Variants in NPM1 observed in about 807,000 individuals in gnomAD.
The protein encoded by NPM1 is nucleophosmin 1, also known as nucleophosmin.
In NPM1, 1 loss-of-function variant was observed where a neutral mutation model predicts 44.1. That is an observed-to-expected ratio of 0.02 (90% CI 0.01 to 0.11). The LOEUF (loss-of-function observed/expected upper bound fraction) is 0.11, where lower values mean the gene tolerates loss of function less well. Among genes scored for constraint, NPM1 ranks in the 10% least tolerant of loss-of-function variants. NPM1 has a pLI of 1.00. For synonymous variants in NPM1, 126 were observed against 111.8 expected (o/e 1.13, Z -0.80); for missense variants, 197 against 347.8 (o/e 0.57, Z 3.45).
chr5:171,408,083 C>G (rs1316630372), intron 10 of NPM1, among the ~76,000 whole-genome samples: 1 of 150,038 alleles, frequency 6.7e-6, no homozygotes, highest in Non-Finnish European at 1.5e-5. Flanking sequence ...TGTGGTTTTC[C>G]TTGCTGTTCC....
intron 6 of NPM1, among the ~76,000 whole-genome samples, chr5:171,398,873 A>AT (rs1273887795): frequency 6.6e-6 from 1 of 152,134 alleles, no homozygotes; most frequent in Non-Finnish European, 1.5e-5. Context: ...TTATTTATTT[A>AT]TTTTTTTGAA....
intron 5 of NPM1, 37 bp downstream of exon 5, chr5:171,392,853 A>T: frequency 6.2e-7 from 1 of 1,613,268 alleles, no homozygotes; most frequent in Non-Finnish European, 8.5e-7. Context: ...TTTGTATTAT[A>T]GCTTTTAGTT....
intron 6 of NPM1, among the ~76,000 whole-genome samples, chr5:171,395,980 T>TTGG (rs1770861448): frequency 7.4e-6 from 1 of 134,516 alleles, no homozygotes; most frequent in Admixed American, 7.5e-5. Flanking sequence ...TTTTTTTTTT[T>TTGG]GGAGACAGTC....
At chr5:171,393,069 G>A in intron 6 of NPM1, 91 bp downstream of exon 6, 1 of 1,485,184 alleles carries the variant, frequency 6.7e-7, no homozygotes, top group Non-Finnish European at 9.0e-7. Flanking sequence ...TTTTATAAAA[G>A]TCATTTACAA....
rs540561427 is a variant in NPM1 at position 171,387,873 on chromosome 5, G to T, written c.-76G>T. ...CCTTTCCCTGGTGTGATTCCGTCCTGCGCGGTTGTTCTCTGGAGCAGCGTT... is the reference window on the plus strand; with the variant it reads ...CCTTTCCCTGGTGTGATTCCGTCCTTCGCGGTTGTTCTCTGGAGCAGCGTT... On this transcript the variant is annotated 5_prime_UTR_variant, in exon 1 of 11. Transcript: ENST00000296930. 8 of 1,359,614 alleles carry T rather than the reference G, an allele frequency of 5.9e-6. No homozygotes were observed. The East Asian group carries it at 1.6e-4, about 27-fold the overall frequency. The allele number at this position is 1,359,614 out of a possible 1,614,324, so 84.2% of individuals were successfully genotyped here.
At chr5:171,388,028 A>G (rs767065244) in intron 1 of NPM1, 22 bp downstream of exon 1, 3 of 1,320,098 alleles carry the variant, frequency 2.3e-6, no homozygotes, top group Admixed American at 3.7e-5. Flanking sequence ...GGGGAGCTGG[A>G]GCGAGGCCGA....
In NPM1 at chr5:171,394,041, CTTTTTTTTTTT is replaced by C. The variant is rs144186175; in HGVS notation, c.524+1074_524+1084del. 2.7e-3 allele frequency among the ~76,000 whole-genome samples: 258 copies of C among 97,076 alleles called. 3 individuals carry two copies. The highest frequency in any genetic ancestry group is 6.0e-3 in the Middle Eastern group (1 of 168). 63.7% of individuals were successfully genotyped at this position (97,076 alleles called of 152,430 possible). ...ATTTGACTGTTGCTGTTTTTGTTTT[CTTTTTTTTTTT>C]TTTTTTTTTTGAGATGGAGTCTCCA... On this transcript the variant is annotated intron_variant, in intron 6 of 10. Coordinates refer to ENST00000296930, the MANE Select transcript of NPM1 (RefSeq NM_002520.7).
upstream of NPM1, chr5:171,387,721 A>G (rs1406877237): frequency 8.7e-6 from 5 of 575,084 alleles, no homozygotes; most frequent in Non-Finnish European, 1.2e-5. Flanking sequence ...AGTGGGGTTG[A>G]AAAGCGCTTG....
At position 171,406,709 on chromosome 5, in the gene NPM1, A is replaced by T. The variant is rs568708497; in HGVS notation, c.772-991A>T. ...CTTTGTATCTCCTTAGCTGCTCAATAAATATTTGAATGCATCAATTAAGAA... is the reference window on the plus strand; with the variant it reads ...CTTTGTATCTCCTTAGCTGCTCAATTAATATTTGAATGCATCAATTAAGAA... On this transcript the variant is annotated intron_variant, in intron 9 of 10. Transcript: ENST00000296930. The T allele has an allele frequency of 3.4e-6, 4 of 1,193,474 alleles. No homozygotes were observed. In the East Asian group the frequency reaches 1.4e-4, roughly 42 times the overall value. 73.9% of individuals were successfully genotyped at this position (1,193,474 alleles called of 1,614,324 possible). A position where few individuals can be genotyped will look rare whatever the true frequency, so the allele number is the denominator to read the frequency against.
In NPM1 at chr5:171,400,222, C is replaced by A. The variant is rs777071775; in HGVS notation, c.582+12C>A. On this transcript the variant is annotated intron_variant, in intron 7 of 10. Coordinates refer to ENST00000296930, the MANE Select transcript of NPM1 (RefSeq NM_002520.7). ...CGCCAGTGAAGAAAGTGAGTAGATA[C>A]AATGCTACAAGGTTGTTAAACTAAC... 10 of 1,613,448 alleles carry A rather than the reference C, an allele frequency of 6.2e-6. No individual in the cohort carries two copies. The highest frequency in any genetic ancestry group is 3.3e-5 in the South Asian group (3 of 91,056).
Position 171,410,645 on chromosome 5 carries a change from T to C in NPM1, c.*80T>C. Reference sequence around the variant, plus strand: ...ACAGTTGATATCTGGCTGTCCTTTTTATAATGCAGAGTGAGAACTTTCCCT... The same window carrying C: ...ACAGTTGATATCTGGCTGTCCTTTTCATAATGCAGAGTGAGAACTTTCCCT... On this transcript the variant is annotated 3_prime_UTR_variant, in exon 11 of 11. Coordinates refer to ENST00000296930, the MANE Select transcript of NPM1 (RefSeq NM_002520.7). The C allele has an allele frequency of 2.6e-6, 2 of 774,862 alleles. No individual in the cohort carries two copies. Among genetic ancestry groups the C allele is most frequent in the Non-Finnish European group, 4.2e-6 (2 of 473,472 alleles). The allele number at this position is 774,862 out of a possible 1,614,324, so 48.0% of individuals were successfully genotyped here.
chr5:171,405,196 T>G (rs1581257540), intron 8 of NPM1, 106 bp from the exon 9 acceptor site: 1 of 643,700 alleles, frequency 1.6e-6, no homozygotes, highest in East Asian at 2.8e-5. Context: ...TAATTAGCTT[T>G]ATAAGGGAGT....
At chr5:171,390,418 C>T (rs545231139) in intron 2 of NPM1, among the ~76,000 whole-genome samples, 10 of 152,266 alleles carry the variant, frequency 6.6e-5, no homozygotes, top group African/African-American at 2.4e-4. Context: ...TTCATGTCTA[C>T]CAGAGACTAG....
intron 3 of NPM1, 107 bp downstream of exon 3, chr5:171,391,531 C>T (rs1436402181): frequency 2.8e-6 from 4 of 1,405,406 alleles, no homozygotes; most frequent in African/African-American, 1.4e-5. Context: ...GGTTCTTTAT[C>T]TTCTGTCACT....
rs553105700 is a variant in NPM1 at position 171,397,949 on chromosome 5, G to T, written c.525-2204G>T. On this transcript the variant is annotated intron_variant, in intron 6 of 10. Transcript: ENST00000296930. ...GGATTACAGGCACCCCCCCCACCAC[G>T]CCCGGCTAATTTTCTGTATTTTAAA... Among the ~76,000 whole-genome samples, 3 of 147,442 alleles carry T rather than the reference G, an allele frequency of 2.0e-5. No homozygotes were observed. The East Asian group carries it at 6.2e-4, about 31-fold the overall frequency.
chr5:171,388,067 G>GT, intron 1 of NPM1, 61 bp downstream of exon 1: 1 of 1,177,086 alleles, frequency 8.5e-7, no homozygotes, highest in Non-Finnish European at 1.3e-6. Flanking sequence ...GAGGGTGGGG[G>GT]TGAGGGGCGG....
chr5:171,400,975 A>C (rs774055383), intron 8 of NPM1, 50 bp downstream of exon 8: 11 of 1,235,002 alleles, frequency 8.9e-6, no homozygotes, highest in Non-Finnish European at 1.3e-5. Context: ...TTGGGGAAAA[A>C]GATTCTACTG....
chr5:171,389,931 C>T (rs747870725), intron 1 of NPM1, 120 bp from the exon 2 acceptor site: 3 of 643,192 alleles, frequency 4.7e-6, no homozygotes, highest in South Asian at 1.9e-5. Flanking sequence ...GCTTTGCCCT[C>T]TGGTAGCTAA....
intron 1 of NPM1, among the ~76,000 whole-genome samples, chr5:171,389,459 A>C (rs1770455663): frequency 6.6e-6 from 1 of 152,212 alleles, no homozygotes; most frequent in African/African-American, 2.4e-5. Flanking sequence ...AATTCTGGTA[A>C]ATTTATATCA....
Sources: gnomAD v4.1 joint callset for allele counts (sites outside exome capture counted in the v4.1 genomes callset) on GRCh38, gnomAD v4.1.1 for gene constraint, MANE v1.5 for transcripts, NCBI Gene and HGNC (gene_info 2026-07-23, HGNC 2026-07-21) for gene names.